Variants in IFT140 observed in about 807,000 individuals in gnomAD.
IFT140 encodes the protein intraflagellar transport protein 140 homolog.
IFT140 carries 133 observed loss-of-function variants against 164.6 expected under a neutral mutation model. That is an observed-to-expected ratio of 0.81 (90% confidence interval 0.70 to 0.93). The LOEUF (loss-of-function observed/expected upper bound fraction) is 0.93, where lower values mean the gene tolerates loss of function less well. IFT140 is among the 40% of genes least tolerant of loss of function. IFT140 has a pLI of 0.00. For synonymous variants in IFT140, 860 were observed against 817.3 expected (o/e 1.05, Z -0.89); for missense variants, 2,045 against 1,972.3 (o/e 1.04, Z -0.70).
chr16:1,523,323 C>T (rs1436302217), intron 26 of IFT140, among the ~76,000 whole-genome samples, 195 bp downstream of exon 26: 2 of 151,526 alleles, frequency 1.3e-5, no homozygotes, highest in Admixed American at 6.6e-5. Flanking sequence ...CAGATGCCAG[C>T]GTGAAGGATG....
chr16:1,568,451 C>T, intron 14 of IFT140, 117 bp from the exon 15 acceptor site: 9 of 816,594 alleles, frequency 1.1e-5, no homozygotes, highest in Non-Finnish European at 1.8e-5. Flanking sequence ...CTGCTTCTCA[C>T]CCTGGGTGGC....
At chr16:1,594,436 G>T (rs1438490504) in intron 4 of IFT140, among the ~76,000 whole-genome samples, 1 of 152,066 alleles carries the variant, frequency 6.6e-6, no homozygotes, top group Non-Finnish European at 1.5e-5. Context: ...GCCCAGGCTG[G>T]TATCAAACTC....
At chr16:1,526,560 G>A in intron 20 of IFT140, 59 bp downstream of exon 20, 11 of 1,425,540 alleles carry the variant, frequency 7.7e-6, no homozygotes, top group Non-Finnish European at 1.0e-5. Context: ...TTCCCCAGGG[G>A]GCCGTGGCTG....
chr16:1,608,393 C>G (rs1054246170), intron 2 of IFT140, among the ~76,000 whole-genome samples: 66 of 152,106 alleles, frequency 4.3e-4, no homozygotes, highest in Admixed American at 1.2e-3. Context: ...ATTTGGGAGG[C>G]CGAGGTGGGC....
rs1375661550 is a variant in IFT140, at chr16:1,553,098, CT to C, written c.2399+4836del. On this transcript the variant is annotated intron_variant, in intron 19 of 30. Coordinates refer to ENST00000426508, the MANE Select transcript of IFT140 (RefSeq NM_014714.4). This position sits in a 1 kb window ranked among gnomAD's most constrained non-coding sequence, Gnocchi z 4.4. ...GAGATAGATAAATGCTTAATTCATA[CT>C]TTCTGGAGGGTACAGTGATGATGAA... 5 of 985,312 alleles carry C rather than the reference CT, an allele frequency of 5.1e-6. No homozygotes were observed. The African/African-American group carries it at 8.7e-5, about 17-fold the overall frequency. 61.0% of individuals were successfully genotyped at this position (985,312 alleles called of 1,614,324 possible).
In IFT140 at chr16:1,523,875, C is replaced by G; in HGVS notation, c.3223G>C (p.Glu1075Gln). 1 of 1,613,580 alleles carries G rather than the reference C, an allele frequency of 6.2e-7. No individual in the cohort carries two copies. Among genetic ancestry groups the G allele is most frequent in the East Asian group, 2.2e-5 (1 of 44,884 alleles). ...EDMIEAARYY[E>Q]EKGVQMDRAV... The stretch of plus-strand genomic sequence containing the variant: ...CTGTCCATCTGCACGCCCTTCTCCT[C>G]GTAGTATCGGGCCGCCTCGATCATG... The change falls in exon 25 of 31, where the codon GAG (glutamate) becomes CAG (glutamine). Residue 1075 changes from glutamate to glutamine, a missense_variant. Glu to Gln is a conservative substitution (Grantham distance 29). Transcript: ENST00000426508.
At chr16:1,541,796 G>A in intron 19 of IFT140, 1 of 1,196,542 alleles carries the variant, frequency 8.4e-7, no homozygotes, top group African/African-American at 1.6e-5. Flanking sequence ...ACTGCCCAAT[G>A]GAGGCACAGC....
intron 19 of IFT140, among the ~76,000 whole-genome samples, chr16:1,529,877 G>A (rs1406182012): frequency 2.0e-5 from 3 of 152,188 alleles, no homozygotes; most frequent in East Asian, 1.9e-4. Flanking sequence ...AATGATGCAC[G>A]TGGAGTGCAG....
Position 1,580,781 on chromosome 16 carries a change from C to A in IFT140, c.1502G>T (p.Arg501Leu), listed in dbSNP as rs770643403. 1 of 1,613,834 alleles carries A rather than the reference C, an allele frequency of 6.2e-7. No homozygotes were observed. The highest frequency in any genetic ancestry group is 1.1e-5 in the South Asian group (1 of 91,062). ...TACCTGCCAGGTTCGAACTTGAACT[C>A]GGTTTGACTCCACCGTGTAAACGTT... ...EENVYTVESN[R>L]VQVRTWQGTV... The change falls in exon 13 of 31, where the codon CGA becomes CTA. Residue 501 changes from arginine to leucine, a missense_variant. Arg to Leu is a moderately radical substitution (Grantham distance 102, BLOSUM62 -2). Coordinates refer to ENST00000426508, the MANE Select transcript of IFT140 (RefSeq NM_014714.4).
intron 19 of IFT140, among the ~76,000 whole-genome samples, chr16:1,557,266 G>T (rs1379998732): frequency 1.3e-5 from 2 of 152,204 alleles, no homozygotes; most frequent in Admixed American, 6.5e-5. Context: ...TGCACAGCTA[G>T]TGTGGAAGGC....
chr16:1,525,199 G>T, intron 22 of IFT140, 32 bp downstream of exon 22: 1 of 1,524,158 alleles, frequency 6.6e-7, no homozygotes, highest in Non-Finnish European at 9.1e-7. Context: ...AGGATGGAGT[G>T]CGGTCCCACC....
intron 12 of IFT140, among the ~76,000 whole-genome samples, 193 bp downstream of exon 12, chr16:1,583,121 C>T (rs1596407569): frequency 1.3e-5 from 2 of 152,266 alleles, no homozygotes; most frequent in South Asian, 2.1e-4. Flanking sequence ...TACGCCCACA[C>T]AGCAGGCCCC....
chr16:1,602,441 G>C lies in IFT140; in HGVS notation c.298C>G (p.Leu100Val), dbSNP rs546498421. Reference protein sequence around the residue: ...KQDKEQHTMPLTHTADITVLR... With the variant: ...KQDKEQHTMPVTHTADITVLR... ...ACGGTGATGTCGGCTGTGTGTGTCAGGGGCATCGTGTGCTGCTCCTTGTCC... is the reference window on the plus strand; with the variant it reads ...ACGGTGATGTCGGCTGTGTGTGTCACGGGCATCGTGTGCTGCTCCTTGTCC... Residue 100 changes from leucine to valine, a missense_variant, in exon 4 of 31, where the codon CTG becomes GTG. Physicochemically the swap from Leu to Val is conservative, Grantham distance 32. Coordinates refer to ENST00000426508, the MANE Select transcript of IFT140 (RefSeq NM_014714.4). 6.1e-5 allele frequency: 98 copies of C among 1,614,242 alleles called. No individual in the cohort carries two copies. The South Asian group carries it at 9.6e-4, about 16-fold the overall frequency.
At chr16:1,541,503 G>A (rs1180184198) in intron 19 of IFT140, 48 of 985,272 alleles carry the variant, frequency 4.9e-5, no homozygotes, top group Non-Finnish European at 5.3e-5. Context: ...GTCAGGCAGC[G>A]CCCTCGTCTT....
intron 13 of IFT140, among the ~76,000 whole-genome samples, chr16:1,576,536 G>C (rs1439342043): frequency 1.3e-5 from 2 of 150,088 alleles, no homozygotes; most frequent in Non-Finnish European, 2.9e-5. Context: ...AGCTTGCAGT[G>C]AGCCGAGATC....
At position 1,568,202 on chromosome 16, in the gene IFT140, GA is replaced by G; in HGVS notation, c.1770+14del. On this transcript the variant is annotated intron_variant, in intron 15 of 30. Transcript: ENST00000426508. ...GAGGAGGCGGAGTGGGCGAGTGGAC[GA>G]GGGGTGGCCTCACCTTGCTGGGGAG... 6.4e-7 allele frequency: 1 copy of G among 1,566,780 alleles called. No individual in the cohort carries two copies.
intron 4 of IFT140, among the ~76,000 whole-genome samples, chr16:1,596,094 G>A (rs1342460434): frequency 6.6e-6 from 1 of 151,828 alleles, no homozygotes; most frequent in Non-Finnish European, 1.5e-5. Flanking sequence ...AACCACTATT[G>A]GTGTATTTGT....
At chr16:1,518,609 C>G (rs2040432408) in intron 29 of IFT140, among the ~76,000 whole-genome samples, 1 of 151,974 alleles carries the variant, frequency 6.6e-6, no homozygotes, top group African/African-American at 2.4e-5. Flanking sequence ...ACCCCTAGTT[C>G]CTGCTCTATG....
At position 1,592,201 on chromosome 16, in the gene IFT140, C is replaced by T. The variant is rs1032107314; in HGVS notation, c.609G>A (p.Leu203=). 3.7e-6 allele frequency: 6 copies of T among 1,614,096 alleles called. No individual in the cohort carries two copies. The highest frequency in any genetic ancestry group is 3.3e-5 in the Admixed American group (2 of 60,008). ...CGTCCATCAGACTGACAAAGAACAA[C>T]AGCCCCTCGTGAGACCCCATCTTCA... is the stretch of plus-strand genomic sequence containing the variant. ...SLLKMGSHEG[L]LFFVSLMDGT... Residue 203 remains leucine (L), a synonymous_variant, in exon 6 of 31, where the codon CTG becomes CTA. Coordinates refer to ENST00000426508, the MANE Select transcript of IFT140 (RefSeq NM_014714.4).
Sources: gnomAD v4.1 joint callset for allele counts (sites outside exome capture counted in the v4.1 genomes callset) on GRCh38, gnomAD v4.1.1 for gene constraint, Gnocchi (gnomAD v3.1) non-coding constraint, MANE v1.5 for transcripts, NCBI Gene and HGNC (gene_info 2026-07-23, HGNC 2026-07-21) for gene names.